The following GRID1 variants were observed in gnomAD, a reference collection of about 807,000 sequenced individuals.
GRID1 encodes the protein glutamate ionotropic receptor delta type subunit 1.
A neutral mutation model predicts 98.0 loss-of-function variants in GRID1; 28 were observed. The ratio of observed to expected loss-of-function variants is 0.29; its 90% CI spans 0.21 to 0.39. The LOEUF is 0.39. GRID1 is among the 10% of genes least tolerant of loss of function. GRID1 has a pLI of 1.00. For synonymous variants in GRID1, 553 were observed against 538.5 expected (o/e 1.03, Z -0.37); for missense variants, 1,111 against 1,340.5 (o/e 0.83, Z 2.67).
At chr10:85,947,882 G>T (rs1044529433) in intron 4 of GRID1, among the ~76,000 whole-genome samples, 2 of 152,198 alleles carry the variant, frequency 1.3e-5, no homozygotes, top group Non-Finnish European at 2.9e-5. Context: ...TCTTGGATAT[G>T]TTGCAAAAGA....
At chr10:86,282,766 T>C (rs920857975) in intron 2 of GRID1, among the ~76,000 whole-genome samples, 1 of 151,998 alleles carries the variant, frequency 6.6e-6, no homozygotes, top group African/African-American at 2.4e-5. Context: ...CCCACTGCCA[T>C]GGCCCAAGGT....
intron 2 of GRID1, among the ~76,000 whole-genome samples, chr10:86,223,590 T>C (rs1331665245): frequency 6.6e-6 from 1 of 152,126 alleles, no homozygotes; most frequent in Non-Finnish European, 1.5e-5. Flanking sequence ...CAGGCAGTTC[T>C]GGAGGTATGG....
chr10:85,637,687 T>G (rs1459331957), intron 13 of GRID1, among the ~76,000 whole-genome samples: 1 of 152,252 alleles, frequency 6.6e-6, no homozygotes, highest in Non-Finnish European at 1.5e-5. Flanking sequence ...TACCTTTTAT[T>G]TCTTGCTTGC....
chr10:86,016,848 C>T (rs151085025), intron 4 of GRID1, among the ~76,000 whole-genome samples: 87 of 152,308 alleles, frequency 5.7e-4, no homozygotes, highest in African/African-American at 2.0e-3. Flanking sequence ...GGTTGAGGGA[C>T]CCTGGACTTT....
intron 4 of GRID1, among the ~76,000 whole-genome samples, chr10:85,963,010 C>G (rs1375535611): frequency 6.6e-6 from 1 of 152,112 alleles, no homozygotes; most frequent in Admixed American, 6.5e-5. Flanking sequence ...TCTGTGTGAG[C>G]CTAAGAGGAG....
rs577343565 is a variant in GRID1, at chr10:86,148,525, A to G, written c.521-9501T>C. Among the ~76,000 whole-genome samples, 337 of 152,320 alleles carry G rather than the reference A, an allele frequency of 2.2e-3. 4 individuals are homozygous for G. Among genetic ancestry groups the G allele is most frequent in the African/African-American group, 7.8e-3 (323 of 41,560 alleles). ...TGAAATTTCAATTAGACAAGAGGAT[A>G]AGTTCAAGTGATCTATTGTATAAAT... On this transcript the variant is annotated intron_variant, in intron 3 of 15. Transcript: ENST00000327946.
chr10:86,100,304 G>C (rs1844278967), intron 4 of GRID1, among the ~76,000 whole-genome samples: 1 of 152,084 alleles, frequency 6.6e-6, no homozygotes. Context: ...GACTGTATTT[G>C]AAACATGTCT....
chr10:86,131,277 G>A (rs1383073465), intron 4 of GRID1, among the ~76,000 whole-genome samples: 2 of 151,972 alleles, frequency 1.3e-5, no homozygotes, highest in Admixed American at 6.6e-5. Context: ...GCTCAGAGGC[G>A]AGGCCCCCCC....
At position 85,610,534 on chromosome 10, in the gene GRID1, A is replaced by G. The variant is rs1298435916; in HGVS notation, c.2601+2873T>C. Among the ~76,000 whole-genome samples, 4 of 152,156 alleles carry G rather than the reference A, an allele frequency of 2.6e-5. No individual in the cohort carries two copies. The East Asian group carries it at 7.7e-4, about 29-fold the overall frequency. ...ATCAATGCTTCAAAGCTCAGTTCTAACAGCTCTGAGCCCCAAGTAGTCTTC... is the reference window on the plus strand; with the variant it reads ...ATCAATGCTTCAAAGCTCAGTTCTAGCAGCTCTGAGCCCCAAGTAGTCTTC... On this transcript the variant is annotated intron_variant, in intron 15 of 15. Transcript: ENST00000327946.
At chr10:85,836,514 G>T (rs1445744283) in intron 8 of GRID1, among the ~76,000 whole-genome samples, 1 of 152,210 alleles carries the variant, frequency 6.6e-6, no homozygotes, top group Non-Finnish European at 1.5e-5. Flanking sequence ...CTCACCACAG[G>T]CCTCTGGATT....
chr10:85,614,737 C>T (rs1241084358), intron 14 of GRID1, among the ~76,000 whole-genome samples: 1 of 152,162 alleles, frequency 6.6e-6, no homozygotes, highest in Non-Finnish European at 1.5e-5. Flanking sequence ...AGAACACAGG[C>T]TCTGAGGGGG....
chr10:86,050,933 G>T (rs1589351990), intron 4 of GRID1, among the ~76,000 whole-genome samples: 1 of 149,086 alleles, frequency 6.7e-6, no homozygotes. Flanking sequence ...GGTGCACAGA[G>T]ACCTAATCAG....
chr10:85,688,913 A>G (rs1841300056), intron 12 of GRID1, among the ~76,000 whole-genome samples: 2 of 152,128 alleles, frequency 1.3e-5, no homozygotes, highest in African/African-American at 4.8e-5. Context: ...AGCAGGGAGC[A>G]GGATGTGTAA....
At chr10:85,852,025 C>T (rs773638288) in intron 8 of GRID1, among the ~76,000 whole-genome samples, 20 of 152,188 alleles carry the variant, frequency 1.3e-4, no homozygotes, top group South Asian at 2.1e-4. Context: ...CCCCATGATA[C>T]GGTCCTAATC....
At chr10:85,806,197 C>T (rs1842621888) in intron 8 of GRID1, among the ~76,000 whole-genome samples, 1 of 151,934 alleles carries the variant, frequency 6.6e-6, no homozygotes, top group Non-Finnish European at 1.5e-5. Context: ...TTAAGAGTTA[C>T]CAACAAGCAC....
At chr10:86,186,338 T>C (rs1456601558) in intron 3 of GRID1, among the ~76,000 whole-genome samples, 1 of 152,238 alleles carries the variant, frequency 6.6e-6, no homozygotes, top group Non-Finnish European at 1.5e-5. Flanking sequence ...CAGAGGTTTA[T>C]CAATTTTATC....
intron 2 of GRID1, among the ~76,000 whole-genome samples, chr10:86,212,288 A>G (rs1213156966): frequency 6.6e-6 from 1 of 152,234 alleles, no homozygotes; most frequent in Non-Finnish European, 1.5e-5. Context: ...ACCCAGGAAG[A>G]AGATCTGCCC....
intron 2 of GRID1, among the ~76,000 whole-genome samples, chr10:86,331,408 G>A (rs561659768): frequency 3.3e-5 from 5 of 152,242 alleles, no homozygotes; most frequent in East Asian, 1.9e-4. Context: ...GAGCAGCTCC[G>A]TGTGCAGCCA....
Position 86,366,115 on chromosome 10 carries a change from C to T in GRID1, c.79+199G>A, listed in dbSNP as rs1465710815. ...GGGGCCCCGCGCGGAGATCGGAGCC[C>T]CGGGGAGCGGCAAGCAGCCAGCGGG... On this transcript the variant is annotated intron_variant, in intron 1 of 15. Coordinates refer to ENST00000327946, the MANE Select transcript of GRID1 (RefSeq NM_017551.3). This position sits in a 1 kb window ranked among gnomAD's most constrained non-coding sequence, Gnocchi z 4.1. 2.6e-5 allele frequency among the ~76,000 whole-genome samples: 4 copies of T among 151,910 alleles called. No individual in the cohort carries two copies. Among genetic ancestry groups the T allele is most frequent in the African/African-American group, 9.7e-5 (4 of 41,404 alleles).
Sources: allele counts gnomAD v4.1 joint callset (sites outside exome capture counted in the v4.1 genomes callset), GRCh38; gene constraint gnomAD v4.1.1; non-coding constraint Gnocchi (gnomAD v3.1); transcripts MANE v1.5; gene names NCBI Gene and HGNC (gene_info 2026-07-23, HGNC 2026-07-21).